Variants in ADAMTS20 observed in about 807,000 individuals in gnomAD.
ADAMTS20 encodes the protein A disintegrin and metalloproteinase with thrombospondin motifs 20.
ADAMTS20 carries 225 observed loss-of-function variants against 260.1 expected under a neutral mutation model. The observed-to-expected ratio is 0.87, with a 90% CI of 0.78 to 0.97. The LOEUF is 0.97. Among genes scored for constraint, ADAMTS20 ranks in the 50% least tolerant of loss-of-function variants. The pLI, the probability that ADAMTS20 is intolerant of heterozygous loss-of-function variation, is 0.00. For synonymous variants in ADAMTS20, 802 were observed against 769.5 expected (o/e 1.04, Z -0.70); for missense variants, 2,400 against 2,337.7 (o/e 1.03, Z -0.55).
intron 7 of ADAMTS20, among the ~76,000 whole-genome samples, chr12:43,479,810 C>G (rs750308342): frequency 1.3e-5 from 2 of 151,852 alleles, no homozygotes; most frequent in Non-Finnish European, 2.9e-5. Context: ...AACAAAGCTA[C>G]AAGAAAGACA....
At chr12:43,550,352 C>G (rs1359313368) in intron 2 of ADAMTS20, among the ~76,000 whole-genome samples, 1 of 152,146 alleles carries the variant, frequency 6.6e-6, no homozygotes, top group Non-Finnish European at 1.5e-5. Flanking sequence ...AGACTGTTTT[C>G]AAGTATGATG....
chr12:43,447,192 A>G (rs935769013), intron 14 of ADAMTS20, among the ~76,000 whole-genome samples: 3 of 152,016 alleles, frequency 2.0e-5, no homozygotes, highest in Admixed American at 6.6e-5. Flanking sequence ...ACAAAAAAAA[A>G]AGAAAATTTT....
chr12:43,467,402 T>C (rs1009030111), intron 8 of ADAMTS20, among the ~76,000 whole-genome samples: 2 of 152,040 alleles, frequency 1.3e-5, no homozygotes, highest in African/African-American at 4.8e-5. Context: ...CCTATACAAT[T>C]TGGGGGGAAC....
intron 28 of ADAMTS20, among the ~76,000 whole-genome samples, chr12:43,420,800 CTTTTTTTTTTT>C (rs747496684): frequency 1.8e-5 from 1 of 55,494 alleles, no homozygotes; most frequent in East Asian, 1.4e-3. Flanking sequence ...CCTCCTCCTT[CTTTTTTTTTTT>C]TTTTTTTTTT....
intron 37 of ADAMTS20, 25 bp downstream of exon 37, chr12:43,369,265 A>T: frequency 7.1e-7 from 1 of 1,404,444 alleles, no homozygotes; most frequent in Non-Finnish European, 9.4e-7. Flanking sequence ...AAAGAAAGAA[A>T]ATTAATCAAA....
intron 2 of ADAMTS20, among the ~76,000 whole-genome samples, chr12:43,541,116 T>C (rs1943370822): frequency 6.6e-6 from 1 of 152,176 alleles, no homozygotes. Flanking sequence ...CCAAATCATT[T>C]ATAGTTATCA....
In ADAMTS20 at chr12:43,376,291, T is replaced by C; in HGVS notation, c.5165A>G (p.Asn1722Ser). The change falls in exon 34 of 39, where the codon AAC becomes AGC. Residue 1722 changes from asparagine (N) to serine (S), a missense_variant. Asn to Ser is a conservative substitution (Grantham distance 46). Coordinates refer to ENST00000389420, the MANE Select transcript of ADAMTS20 (RefSeq NM_025003.5). ...ATAGTCACCATCCTTTCTAATGTGG[T>C]TTTTCACTTGAATTTCTTTGCAGGT... The part of the protein sequence containing the change: ...FTTCKEIQVK[N>S]HIRKDGDYYL... The C allele has an allele frequency of 6.4e-7, 1 of 1,555,914 alleles. No homozygotes were observed. The highest frequency in any genetic ancestry group is 8.7e-7 in the Non-Finnish European group (1 of 1,148,402).
chr12:43,398,097 C>T (rs1940740386), intron 29 of ADAMTS20, among the ~76,000 whole-genome samples: 2 of 152,124 alleles, frequency 1.3e-5, no homozygotes, highest in South Asian at 4.1e-4. Flanking sequence ...GTGTCTTTTT[C>T]CTTTTGCAGG....
downstream of ADAMTS20, among the ~76,000 whole-genome samples, chr12:43,353,086 G>A (rs916236077): frequency 5.9e-5 from 9 of 151,596 alleles, no homozygotes; most frequent in South Asian, 2.1e-4. Flanking sequence ...TTGGTTTTCC[G>A]AGTAGATTTC....
chr12:43,462,971 C>A lies in ADAMTS20; in HGVS notation c.1538G>T (p.Ser513Ile). ...INICMHLWCTSTEKLHKGCFT... is the reference protein window; with the variant it reads ...INICMHLWCTITEKLHKGCFT... The stretch of plus-strand genomic sequence containing the variant: ...ACAGCCTTTGTGAAGCTTTTCTGTG[C>A]TTGTGCACCACAGATGCATGCATAT... Residue 513 changes from serine (S) to isoleucine (I), a missense_variant, in exon 11 of 39, where the codon AGC becomes ATC. Coordinates refer to ENST00000389420, the MANE Select transcript of ADAMTS20 (RefSeq NM_025003.5). 6.2e-7 allele frequency: 1 copy of A among 1,607,664 alleles called. No individual in the cohort carries two copies. The highest frequency in any genetic ancestry group is 8.5e-7 in the Non-Finnish European group (1 of 1,176,792).
rs1403922116 is a variant in ADAMTS20, at chr12:43,551,146, T to A, written c.216A>T (p.Glu72Asp). The A allele has an allele frequency of 5.6e-6, 9 of 1,613,832 alleles. No homozygotes were observed. Among genetic ancestry groups the A allele is most frequent in the Non-Finnish European group, 7.6e-6 (9 of 1,179,844 alleles). The change falls in exon 2 of 39, where the codon GAA becomes GAT. Residue 72 changes from glutamate to aspartate, a missense_variant. By Grantham distance (45) the Glu-to-Asp change is conservative. Transcript: ENST00000389420. This position sits in a 1 kb window ranked among gnomAD's most constrained non-coding sequence, Gnocchi z 4.6. ...SRQKRSSEAL[E>D]PMPFRTHYRF... ...GATAGTGGGTTCGGAACGGCATGGG[T>A]TCCAGCGCCTCGGAGCTGCGTTTCT...
In ADAMTS20 at chr12:43,430,357, T is replaced by C. The variant is rs1253290519; in HGVS notation, c.3376A>G (p.Arg1126Gly). Residue 1126 changes from arginine (R) to glycine (G), a missense_variant, in exon 23 of 39, where the codon AGA becomes GGA. Transcript: ENST00000389420. ...TAAACCATGATTCTTTTTACCTGTC[T>C]GTCACTGGGGCGACTAGCTTCATGG... Reference protein sequence around the residue: ...ECHEASRPSDRQSCVLTPCSF... With the variant: ...ECHEASRPSDGQSCVLTPCSF... 9 of 1,611,732 alleles carry C rather than the reference T, an allele frequency of 5.6e-6. No homozygotes were observed. The highest frequency in any genetic ancestry group is 7.6e-6 in the Non-Finnish European group (9 of 1,178,878).
rs796585517 is a variant in ADAMTS20, at chr12:43,433,129, T to C, written c.2721-318A>G. On this transcript the variant is annotated intron_variant, in intron 19 of 38. Coordinates refer to ENST00000389420, the MANE Select transcript of ADAMTS20 (RefSeq NM_025003.5). ...TGAACATATCTGACTGCCAATCAGA[T>C]AGTTTATCCCTATGCAATCCTCTAT... 2.0e-4 allele frequency among the ~76,000 whole-genome samples: 31 copies of C among 152,332 alleles called. 1 individual carries two copies. The highest frequency in any genetic ancestry group is 7.2e-4 in the African/African-American group (30 of 41,590).
At chr12:43,502,915 G>A (rs991342922) in intron 3 of ADAMTS20, among the ~76,000 whole-genome samples, 4 of 152,082 alleles carry the variant, frequency 2.6e-5, no homozygotes, top group African/African-American at 9.7e-5. Flanking sequence ...ATAACAATAT[G>A]TGGGTGAATC....
chr12:43,489,977 C>A (rs1389827883), intron 7 of ADAMTS20, among the ~76,000 whole-genome samples: 3 of 151,890 alleles, frequency 2.0e-5, no homozygotes, highest in Non-Finnish European at 4.4e-5. Flanking sequence ...TTTCAAGAGA[C>A]AGAAGGAATT....
At chr12:43,428,073 T>C (rs1941366110) in intron 26 of ADAMTS20, among the ~76,000 whole-genome samples, 168 bp downstream of exon 26, 1 of 152,216 alleles carries the variant, frequency 6.6e-6, no homozygotes, top group South Asian at 2.1e-4. Flanking sequence ...ATAAGAACTC[T>C]AGCATTTGTA....
At chr12:43,436,607 T>G (rs1466819327) in intron 18 of ADAMTS20, among the ~76,000 whole-genome samples, 3 of 152,188 alleles carry the variant, frequency 2.0e-5, no homozygotes, top group East Asian at 3.8e-4. Context: ...TTCAATAGAT[T>G]AGCCACACAT....
At chr12:43,517,220 A>G (rs530380963) in intron 3 of ADAMTS20, among the ~76,000 whole-genome samples, 1 of 152,184 alleles carries the variant, frequency 6.6e-6, no homozygotes, top group South Asian at 2.1e-4. Flanking sequence ...AACGTAACAA[A>G]ACAAGAAAAA....
At chr12:43,468,219 G>T (rs1446758768) in intron 8 of ADAMTS20, among the ~76,000 whole-genome samples, 1 of 152,186 alleles carries the variant, frequency 6.6e-6, no homozygotes, top group Non-Finnish European at 1.5e-5. Context: ...GAAATGAGTT[G>T]GTATTACAAA....
Sources: gnomAD v4.1 joint callset for allele counts (sites outside exome capture counted in the v4.1 genomes callset) on GRCh38, gnomAD v4.1.1 for gene constraint, Gnocchi (gnomAD v3.1) non-coding constraint, MANE v1.5 for transcripts, NCBI Gene and HGNC (gene_info 2026-07-23, HGNC 2026-07-21) for gene names.